CCDC141: variants seen among roughly 807,000 people sequenced by gnomAD.
The protein encoded by CCDC141 is coiled-coil domain containing 141.
CCDC141 carries 168 observed loss-of-function variants against 181.0 expected under a neutral mutation model. The ratio of observed to expected loss-of-function variants is 0.93; its 90% CI spans 0.82 to 1.05. The LOEUF is 1.05. Ranked by LOEUF, CCDC141 falls within the 50% of genes least tolerant of loss-of-function variation. The pLI, the probability that CCDC141 is intolerant of heterozygous loss-of-function variation, is 0.00. For missense variants in CCDC141, 1,902 were observed against 1,788.5 expected (o/e 1.06, Z -1.14); for synonymous variants, 666 against 642.3 (o/e 1.04, Z -0.56).
At position 178,885,094 on chromosome 2, in the gene CCDC141, T is replaced by C. The variant is rs1686816862; in HGVS notation, c.1528-2A>G. 1.9e-6 allele frequency: 3 copies of C among 1,545,500 alleles called. No individual in the cohort carries two copies. The highest frequency in any genetic ancestry group is 2.0e-5 in the Admixed American group (1 of 50,874). Reference sequence around the variant, plus strand: ...TGCTTCTAATTCATGTGATGTCTCCTGTAAAAGCAAAGCACTGGAGGTCAG... The same window carrying C: ...TGCTTCTAATTCATGTGATGTCTCCCGTAAAAGCAAAGCACTGGAGGTCAG... On this transcript the variant is annotated splice_acceptor_variant, in intron 10 of 23. Transcript: ENST00000443758. LOFTEE classifies it high-confidence loss of function.
intron 2 of CCDC141, among the ~76,000 whole-genome samples, chr2:179,000,070 ACACACACAC>A (rs1329222237): frequency 6.6e-6 from 1 of 151,018 alleles, no homozygotes; most frequent in Non-Finnish European, 1.5e-5. Flanking sequence ...ACACACACAC[ACACACACAC>A]ACACACACAC....
chr2:179,003,943 AT>A (rs1203367052), intron 2 of CCDC141, among the ~76,000 whole-genome samples: 6 of 152,164 alleles, frequency 3.9e-5, no homozygotes, highest in Non-Finnish European at 7.4e-5. Context: ...GAAATGATTT[AT>A]TTTTTGTATA....
Position 178,883,943 on chromosome 2 carries a change from A to C in CCDC141, c.1719+958T>G, listed in dbSNP as rs1346767549. Among the ~76,000 whole-genome samples the C allele has an allele frequency of 2.6e-5, 4 of 152,142 alleles. No homozygotes were observed. The East Asian group carries it at 7.7e-4, about 29-fold the overall frequency. The stretch of plus-strand genomic sequence containing the variant: ...CATATGAAGACACATCACACAAGGC[A>C]GATTCGAGACTGAACCCAGAGGCCT... On this transcript the variant is annotated intron_variant, in intron 11 of 23. Coordinates refer to ENST00000443758, the MANE Select transcript of CCDC141 (RefSeq NM_173648.4).
At chr2:178,939,948 C>A (rs951578445) in intron 6 of CCDC141, among the ~76,000 whole-genome samples, 1 of 152,184 alleles carries the variant, frequency 6.6e-6, no homozygotes. Flanking sequence ...TAAACAACAT[C>A]TGTTGACCAC....
chr2:178,858,962 T>A (rs560317812), intron 17 of CCDC141, among the ~76,000 whole-genome samples: 1 of 152,318 alleles, frequency 6.6e-6, no homozygotes, highest in Admixed American at 6.5e-5. Context: ...TTAAATCTAC[T>A]TTGGATTAAG....
Position 178,830,596 on chromosome 2 carries a change from C to A in CCDC141, c.*3577G>T, listed in dbSNP as rs768280720. The A allele has an allele frequency of 3.3e-5, 5 of 152,178 alleles. No homozygotes were observed. Among genetic ancestry groups the A allele is most frequent in the Non-Finnish European group, 5.9e-5 (4 of 68,046 alleles). 9.4% of individuals were successfully genotyped at this position (152,178 alleles called of 1,614,324 possible). On this transcript the variant is annotated 3_prime_UTR_variant, in exon 24 of 24. Transcript: ENST00000443758. ...GTCTTAGGTACTGGCAATACAATGA[C>A]AACAGGGCTGTCATGAATCCTGCTG...
intron 21 of CCDC141, 42 bp downstream of exon 21, chr2:178,850,007 T>G: frequency 9.2e-7 from 1 of 1,082,330 alleles, no homozygotes; most frequent in East Asian, 2.4e-5. Context: ...ACATTTTTAT[T>G]TATTTTGCTT....
At chr2:178,954,289 A>G (rs189877859) in intron 5 of CCDC141, among the ~76,000 whole-genome samples, 1 of 152,380 alleles carries the variant, frequency 6.6e-6, no homozygotes, top group Non-Finnish European at 1.5e-5. Context: ...ATTTTCATTA[A>G]TGAGGCAGAT....
intron 2 of CCDC141, among the ~76,000 whole-genome samples, chr2:178,979,116 A>C (rs1006315961): frequency 2.0e-5 from 3 of 152,234 alleles, no homozygotes; most frequent in Non-Finnish European, 2.9e-5. Flanking sequence ...CGTGACGATT[A>C]ATGTAAATAT....
intron 19 of CCDC141, among the ~76,000 whole-genome samples, chr2:178,854,751 C>T (rs1298839647): frequency 5.9e-5 from 9 of 152,088 alleles, no homozygotes; most frequent in African/African-American, 1.7e-4. Flanking sequence ...GTGGTAAAGA[C>T]GTTCTGTATC....
At chr2:179,000,068 AC>A (rs1559038995) in intron 2 of CCDC141, among the ~76,000 whole-genome samples, 1 of 150,360 alleles carries the variant, frequency 6.7e-6, no homozygotes, top group Non-Finnish European at 1.5e-5. Context: ...ACACACACAC[AC>A]ACACACACAC....
intron 7 of CCDC141, among the ~76,000 whole-genome samples, chr2:178,913,668 T>C (rs1268081533): frequency 6.6e-6 from 1 of 152,230 alleles, no homozygotes; most frequent in African/African-American, 2.4e-5. Context: ...CATTAATGTT[T>C]CAATAGCTAT....
chr2:178,892,005 T>G (rs1231157898), intron 8 of CCDC141, among the ~76,000 whole-genome samples: 1 of 152,142 alleles, frequency 6.6e-6, no homozygotes, highest in East Asian at 1.9e-4. Context: ...TGGTCATTAT[T>G]TAAGGGAAGA....
At position 178,918,780 on chromosome 2, in the gene CCDC141, C is replaced by T; in HGVS notation, c.1025G>A (p.Gly342Asp). ...GGTATTCCTTTCCACCATGAGTTGA[C>T]CAAATTCTTCTTGAAGCTGACTGAG... ...QKLSQLQEEF[G>D]QLMVERNTWL... The change falls in exon 7 of 24, where the codon GGT becomes GAT. Residue 342 changes from glycine (G) to aspartate (D), a missense_variant. By Grantham distance (94) the Gly-to-Asp change is moderately conservative (BLOSUM62 -1). Coordinates refer to ENST00000443758, the MANE Select transcript of CCDC141 (RefSeq NM_173648.4). 1 of 1,550,550 alleles carries T rather than the reference C, an allele frequency of 6.4e-7. No homozygotes were observed. Among genetic ancestry groups the T allele is most frequent in the Non-Finnish European group, 8.7e-7 (1 of 1,146,978 alleles).
chr2:178,926,343 G>A (rs998485205), intron 6 of CCDC141, among the ~76,000 whole-genome samples: 2 of 152,120 alleles, frequency 1.3e-5, no homozygotes, highest in Admixed American at 6.6e-5. Context: ...TATAAAAATA[G>A]TAGTTTAAAC....
intron 7 of CCDC141, among the ~76,000 whole-genome samples, chr2:178,908,473 T>C (rs1404405934): frequency 6.6e-6 from 1 of 152,206 alleles, no homozygotes; most frequent in African/African-American, 2.4e-5. Context: ...ATTACAGGTG[T>C]GAGCCACCGC....
the CCDC141 span, among the ~76,000 whole-genome samples, chr2:178,820,380 G>A: frequency 3.9e-5 from 6 of 152,006 alleles, no homozygotes; most frequent in East Asian, 1.2e-3. Flanking sequence ...TCACGCTCAG[G>A]GTGGTTTTGA....
chr2:178,925,720 T>C (rs1688884367), intron 6 of CCDC141, among the ~76,000 whole-genome samples: 2 of 152,218 alleles, frequency 1.3e-5, no homozygotes, highest in African/African-American at 4.8e-5. Flanking sequence ...CATTTTAAAT[T>C]AAATTTAATA....
Position 178,836,950 on chromosome 2 carries a change from A to C in CCDC141, c.4269T>G (p.Gly1423=), listed in dbSNP as rs1684499991. The change falls in exon 23 of 24, where the codon GGT becomes GGG. Residue 1423 remains glycine (G), a synonymous_variant. Coordinates refer to ENST00000443758, the MANE Select transcript of CCDC141 (RefSeq NM_173648.4). The part of the protein sequence containing the change: ...RLLSNVTVME[G]SPVTLEVEVT... ...CTTCAACTTCCAAAGTCACTGGAGA[A>C]CCTTCCATGACAGTTACATTAGACA... 6.8e-6 allele frequency: 11 copies of C among 1,613,924 alleles called. No homozygotes were observed. In the East Asian group the frequency reaches 2.5e-4, roughly 36 times the overall value.
Sources: allele counts gnomAD v4.1 joint callset (sites outside exome capture counted in the v4.1 genomes callset), GRCh38; gene constraint gnomAD v4.1.1; transcripts MANE v1.5; gene names NCBI Gene and HGNC (gene_info 2026-07-23, HGNC 2026-07-21).